ACOT12: variants seen among roughly 807,000 people sequenced by gnomAD.
ACOT12 encodes the protein acyl-CoA thioesterase 12, also known as acetyl-coenzyme A thioesterase.
A neutral mutation model predicts 67.7 loss-of-function variants in ACOT12; 51 were observed. The ratio of observed to expected loss-of-function variants is 0.75; its 90% CI spans 0.60 to 0.95. The LOEUF is 0.95. ACOT12 is among the 40% of genes least tolerant of loss of function. ACOT12 has a pLI of 0.00. For missense variants in ACOT12, 734 were observed against 708.1 expected (o/e 1.04, Z -0.41); for synonymous variants, 251 against 244.6 (o/e 1.03, Z -0.24).
Position 81,394,086 on chromosome 5 carries a change from AC to A in ACOT12, c.28del (p.Val10SerfsTer2). The A allele has an allele frequency of 6.8e-7, 1 of 1,463,606 alleles. No homozygotes were observed. Among genetic ancestry groups the A allele is most frequent in the East Asian group, 3.0e-5 (1 of 33,034 alleles). The allele number at this position is 1,463,606 out of a possible 1,614,324, so 90.7% of individuals were successfully genotyped here. The stretch of plus-strand genomic sequence containing the variant: ...CGCCGGCTGGATGGCTTGGCTCATG[AC>A]CACCTCGCCGGGCGCCGGCCGCTCC... MERPAPGEV[V>X]MSQAIQPAHA... On this transcript the variant is annotated frameshift_variant, in exon 1 of 15. Transcript: ENST00000307624. LOFTEE classifies it high-confidence loss of function.
intron 2 of ACOT12, 118 bp downstream of exon 2, chr5:81,385,639 T>C (rs1760706199): frequency 2.2e-6 from 2 of 912,348 alleles, no homozygotes; most frequent in African/African-American, 3.4e-5. Flanking sequence ...ACATGTTATT[T>C]ATTTTATTAA....
the ACOT12 span, among the ~76,000 whole-genome samples, chr5:81,310,480 A>T: frequency 6.6e-6 from 1 of 152,184 alleles, no homozygotes; most frequent in South Asian, 2.1e-4. Context: ...TTTGGGGGAA[A>T]AAAAAAAGAA....
At chr5:81,370,061 T>C (rs370085707) in intron 3 of ACOT12, among the ~76,000 whole-genome samples, 2 of 152,126 alleles carry the variant, frequency 1.3e-5, no homozygotes, top group Non-Finnish European at 2.9e-5. Flanking sequence ...GGTGGGCAGA[T>C]CATGAGGTCA....
intron 2 of ACOT12, among the ~76,000 whole-genome samples, chr5:81,383,625 G>T (rs1167410111): frequency 6.6e-6 from 1 of 152,038 alleles, no homozygotes; most frequent in African/African-American, 2.4e-5. Context: ...AGACCTTCTA[G>T]TAAGACAGGA....
chr5:81,342,551 A>C (rs998519156), intron 11 of ACOT12, 121 bp downstream of exon 11: 1 of 982,920 alleles, frequency 1.0e-6, no homozygotes. Context: ...TCTTAGAAAC[A>C]GTTTCCTCAA....
At chr5:81,353,422 T>C (rs985937036) in intron 5 of ACOT12, among the ~76,000 whole-genome samples, 3 of 152,336 alleles carry the variant, frequency 2.0e-5, no homozygotes, top group East Asian at 1.9e-4. Flanking sequence ...CTTTGGATGT[T>C]CTTAAAGTAC....
At chr5:81,362,991 G>C (rs1425222013) in intron 4 of ACOT12, among the ~76,000 whole-genome samples, 1 of 152,158 alleles carries the variant, frequency 6.6e-6, no homozygotes. Context: ...ATCACCTGTG[G>C]TCAGGAGCTT....
chr5:81,342,667 C>T lies in ACOT12; in HGVS notation c.1128+5G>A. ...GGATTATGCAAATACCTGGAAGTGT[C>T]CTACCTTTTCCACAGTGCTGGTAAC... is the stretch of plus-strand genomic sequence containing the variant. On this transcript the variant is annotated splice_donor_5th_base_variant and intron_variant, in intron 11 of 14. Transcript: ENST00000307624. 1 of 1,614,078 alleles carries T rather than the reference C, an allele frequency of 6.2e-7. No homozygotes were observed. Among genetic ancestry groups the T allele is most frequent in the Non-Finnish European group, 8.5e-7 (1 of 1,179,946 alleles).
In ACOT12 at chr5:81,380,525, T is replaced by C. The variant is rs187022015; in HGVS notation, c.197+5232A>G. 1.5e-4 allele frequency among the ~76,000 whole-genome samples: 18 copies of C among 118,962 alleles called. No individual in the cohort carries two copies. In the East Asian group the frequency reaches 3.1e-3, roughly 20 times the overall value. 78.0% of individuals were successfully genotyped at this position (118,962 alleles called of 152,430 possible). ...GTTGCAGTGAGCCGAGATCGTGCCATTGCACTTCAGCCTGGGTGACAGAGT... is the reference window on the plus strand; with the variant it reads ...GTTGCAGTGAGCCGAGATCGTGCCACTGCACTTCAGCCTGGGTGACAGAGT... On this transcript the variant is annotated intron_variant, in intron 2 of 14. Coordinates refer to ENST00000307624, the MANE Select transcript of ACOT12 (RefSeq NM_130767.3).
chr5:81,365,758 G>A (rs1226228502), intron 3 of ACOT12, among the ~76,000 whole-genome samples: 2 of 152,176 alleles, frequency 1.3e-5, no homozygotes, highest in Non-Finnish European at 2.9e-5. Flanking sequence ...AACAACGAGA[G>A]CACTGCGTTC....
In ACOT12 at chr5:81,359,998, T is replaced by A. The variant is rs370312641; in HGVS notation, c.401A>T (p.His134Leu). ...CTCAGCAGCCAGATTATGTTCCACA[T>A]GATCTTGTTCAGTTAGAAGTGTGAC... ...KPVTLLTEQDHVEHNLAAERR... is the reference protein window; with the variant it reads ...KPVTLLTEQDLVEHNLAAERR... The change falls in exon 5 of 15, where the codon CAT becomes CTT. Residue 134 changes from histidine (H) to leucine (L), a missense_variant. Coordinates refer to ENST00000307624, the MANE Select transcript of ACOT12 (RefSeq NM_130767.3). 1 of 1,611,760 alleles carries A rather than the reference T, an allele frequency of 6.2e-7. No individual in the cohort carries two copies. The highest frequency in any genetic ancestry group is 1.7e-5 in the Admixed American group (1 of 59,628).
downstream of ACOT12, among the ~76,000 whole-genome samples, chr5:81,328,739 A>G (rs575740659): frequency 5.1e-4 from 77 of 152,328 alleles, no homozygotes; most frequent in Non-Finnish European, 7.6e-4. Context: ...TATTTAAAAA[A>G]GGGGTAGAAG....
intron 12 of ACOT12, among the ~76,000 whole-genome samples, chr5:81,334,220 C>A (rs936253639): frequency 6.6e-6 from 1 of 152,178 alleles, no homozygotes; most frequent in Non-Finnish European, 1.5e-5. Flanking sequence ...AGTACACTAA[C>A]GCAAGAATCC....
intron 10 of ACOT12, 49 bp from the exon 11 acceptor site, chr5:81,342,804 T>C: frequency 6.4e-7 from 1 of 1,566,070 alleles, no homozygotes; most frequent in Non-Finnish European, 8.8e-7. Flanking sequence ...AATACATGGA[T>C]GTGTGATCAT....
intron 5 of ACOT12, among the ~76,000 whole-genome samples, chr5:81,358,221 CTG>C (rs1005147509): frequency 6.6e-6 from 1 of 152,126 alleles, no homozygotes; most frequent in Admixed American, 6.5e-5. Context: ...CTATTAAAAA[CTG>C]TGTTAAATGC....
intron 13 of ACOT12, among the ~76,000 whole-genome samples, chr5:81,331,215 G>T (rs1758811630): frequency 6.6e-6 from 1 of 152,180 alleles, no homozygotes. Flanking sequence ...GCCCGACAGG[G>T]TTGTAATTTC....
intron 11 of ACOT12, among the ~76,000 whole-genome samples, chr5:81,341,228 A>T (rs1759182943): frequency 6.6e-6 from 1 of 152,246 alleles, no homozygotes; most frequent in South Asian, 2.1e-4. Context: ...TTTCTGCATC[A>T]CTGAACCAGG....
chr5:81,332,480 T>A lies in ACOT12; in HGVS notation c.1388A>T (p.Asp463Val). The A allele has an allele frequency of 6.2e-7, 1 of 1,613,960 alleles. No individual in the cohort carries two copies. The highest frequency in any genetic ancestry group is 1.7e-5 in the Admixed American group (1 of 60,020). ...CACTTGGACTGCATATACTCACCCA[T>A]CTTTGAGGGGTTTTCTTCGTGATAC... The part of the protein sequence containing the change: ...VLVSRRKPLK[D>V]GNTYTVAVKS... The change falls in exon 13 of 15, where the codon GAT becomes GTT. Residue 463 changes from aspartate to valine, a missense_variant. Physicochemically the swap from Asp to Val is radical, Grantham distance 152 (BLOSUM62 -3). Coordinates refer to ENST00000307624, the MANE Select transcript of ACOT12 (RefSeq NM_130767.3).
At chr5:81,347,557 T>C (rs1250566389) in intron 6 of ACOT12, among the ~76,000 whole-genome samples, 1 of 152,262 alleles carries the variant, frequency 6.6e-6, no homozygotes, top group African/African-American at 2.4e-5. Flanking sequence ...ATCTCATTTT[T>C]ATTTTTGAAC....
Sources: gnomAD v4.1 joint callset for allele counts (sites outside exome capture counted in the v4.1 genomes callset) on GRCh38, gnomAD v4.1.1 for gene constraint, MANE v1.5 for transcripts, NCBI Gene and HGNC (gene_info 2026-07-23, HGNC 2026-07-21) for gene names.